Variants in TEKT3 observed in about 807,000 individuals in gnomAD.
TEKT3 encodes the protein tektin 3, also known as tektin-3.
In TEKT3, 49 loss-of-function variants were observed where a neutral mutation model predicts 49.8. That is an observed-to-expected ratio of 0.98 (90% CI 0.78 to 1.25). The LOEUF is 1.25. Ranked by LOEUF, TEKT3 falls within the 50% of genes most tolerant of loss-of-function variation. The probability of loss-of-function intolerance (pLI) is 0.00; values close to 1 mark genes in which losing one functional copy is unlikely to be tolerated. For missense variants in TEKT3, 595 were observed against 629.5 expected (o/e 0.95, Z 0.59); for synonymous variants, 225 against 237.2 (o/e 0.95, Z 0.47).
intron 8 of TEKT3, among the ~76,000 whole-genome samples, chr17:15,306,101 G>A (rs866661637): frequency 0.048 from 6,599 of 137,202 alleles, 335 homozygotes; most frequent in African/African-American, 0.12. Flanking sequence ...GTGTGTGTGT[G>A]TGTGTGTGTG....
At chr17:15,312,197 T>C in intron 7 of TEKT3, 62 bp downstream of exon 7, 2 of 1,493,934 alleles carry the variant, frequency 1.3e-6, no homozygotes, top group Non-Finnish European at 1.9e-6. Context: ...GAGAGATTTG[T>C]AGTCCCAGAG....
At chr17:15,342,370 T>C (rs1912261192), upstream of TEKT3, among the ~76,000 whole-genome samples, 1 of 152,210 alleles carries the variant, frequency 6.6e-6, no homozygotes, top group Non-Finnish European at 1.5e-5. Flanking sequence ...AGTCTAACCG[T>C]GTGAGCAGCA....
intron 7 of TEKT3, among the ~76,000 whole-genome samples, chr17:15,309,457 C>G (rs989447535): frequency 6.6e-6 from 1 of 152,074 alleles, no homozygotes; most frequent in African/African-American, 2.4e-5. Context: ...CATGGATCCC[C>G]CTTTGGTTCT....
At chr17:15,336,393 A>G (rs1253886820) in intron 2 of TEKT3, among the ~76,000 whole-genome samples, 9 of 152,210 alleles carry the variant, frequency 5.9e-5, no homozygotes, top group Admixed American at 5.9e-4. Flanking sequence ...AAGGTGAAAT[A>G]AAATCTTTTC....
Position 15,308,737 on chromosome 17 carries a change from C to A in TEKT3, c.1183G>T (p.Val395Leu). The A allele has an allele frequency of 6.2e-7, 1 of 1,613,998 alleles. No individual in the cohort carries two copies. The highest frequency in any genetic ancestry group is 8.5e-7 in the Non-Finnish European group (1 of 1,180,034). ...AIKDKTAFLK[V>L]AQTRLDERTR... is the part of the protein sequence containing the mutation. ...CGCTCATCCAGTCTGGTCTGAGCCA[C>A]CTTCAGGAAGGCAGTCTTGTCCTTG... Residue 395 changes from valine (V) to leucine (L), a missense_variant, in exon 8 of 9, where the codon GTG (valine) becomes TTG (leucine). Val to Leu is a conservative substitution (Grantham distance 32, BLOSUM62 1). Coordinates refer to ENST00000395930, the MANE Select transcript of TEKT3 (RefSeq NM_031898.3).
chr17:15,305,205 G>T (rs1055085203), intron 8 of TEKT3, among the ~76,000 whole-genome samples: 20 of 152,180 alleles, frequency 1.3e-4, no homozygotes, highest in Non-Finnish European at 1.5e-5. Context: ...ACGGAGCCTG[G>T]AGCATTCGCT....
chr17:15,328,311 T>C (rs1377504294), intron 3 of TEKT3, among the ~76,000 whole-genome samples: 1 of 152,192 alleles, frequency 6.6e-6, no homozygotes, highest in Admixed American at 6.5e-5. Context: ...TCTTGGAAAG[T>C]TGACAAAATG....
chr17:15,331,358 G>C lies in TEKT3; in HGVS notation c.228C>G (p.Ser76=), dbSNP rs150447534. Reference sequence around the variant, plus strand: ...AAACAAAGGGAAGCATGGTATTCTCGGACACCCTCTGTGATCTGGTGCAGT... The same window carrying C: ...AAACAAAGGGAAGCATGGTATTCTCCGACACCCTCTGTGATCTGGTGCAGT... ...APYCTRSQRV[S]ENTMLPFVSN... Residue 76 remains serine (S), a synonymous_variant, in exon 3 of 9, where the codon TCC becomes TCG. Coordinates refer to ENST00000395930, the MANE Select transcript of TEKT3 (RefSeq NM_031898.3). The C allele has an allele frequency of 3.7e-6, 6 of 1,614,036 alleles. No individual in the cohort carries two copies. Among genetic ancestry groups the C allele is most frequent in the Non-Finnish European group, 5.1e-6 (6 of 1,180,050 alleles).
intron 7 of TEKT3, among the ~76,000 whole-genome samples, chr17:15,309,806 T>G (rs1475854729): frequency 6.6e-6 from 1 of 152,148 alleles, no homozygotes; most frequent in Non-Finnish European, 1.5e-5. Flanking sequence ...AACTTCAGTT[T>G]CAAAGCTGAC....
chr17:15,312,921 C>A (rs1460913657), intron 6 of TEKT3, among the ~76,000 whole-genome samples: 1 of 152,192 alleles, frequency 6.6e-6, no homozygotes, highest in East Asian at 1.9e-4. Flanking sequence ...GAAAAAGTTT[C>A]TCTTGTATCC....
At chr17:15,306,923 G>A (rs532478815) in intron 8 of TEKT3, 1 of 152,314 alleles carries the variant, frequency 6.6e-6, no homozygotes, top group South Asian at 2.1e-4. Context: ...GGAGTGGAGA[G>A]CTGCTTATCC....
chr17:15,331,128 A>G lies in TEKT3; in HGVS notation c.458T>C (p.Ile153Thr). The G allele has an allele frequency of 1.2e-6, 2 of 1,614,144 alleles. No individual in the cohort carries two copies. The highest frequency in any genetic ancestry group is 1.7e-6 in the Non-Finnish European group (2 of 1,180,018). The change falls in exon 3 of 9, where the codon ATA becomes ACA. Residue 153 changes from isoleucine (I) to threonine (T), a missense_variant. Transcript: ENST00000395930. ...TQNLGERVNDIGFWKSEIIHE... is the reference protein window; with the variant it reads ...TQNLGERVNDTGFWKSEIIHE... ...AATGATTTCAGATTTCCAAAACCCT[A>G]TGTCATTGACACGTTCTCCCAGATT...
At position 15,318,289 on chromosome 17, in the gene TEKT3, G is replaced by A. The variant is rs146251559; in HGVS notation, c.734+788C>T. On this transcript the variant is annotated intron_variant, in intron 5 of 8. Coordinates refer to ENST00000395930, the MANE Select transcript of TEKT3 (RefSeq NM_031898.3). ...CAGGTGTGAGCCACCACGCCCGGCC[G>A]CCGCAGAGGCCAGATCTTTAAGGAG... is the stretch of plus-strand genomic sequence containing the variant. Among the ~76,000 whole-genome samples, 1,339 of 152,046 alleles carry A rather than the reference G, an allele frequency of 8.8e-3. 14 individuals carry two copies. Among genetic ancestry groups the A allele is most frequent in the African/African-American group, 0.023 (934 of 41,470 alleles).
At chr17:15,325,302 T>C (rs549724784) in intron 4 of TEKT3, among the ~76,000 whole-genome samples, 4 of 152,308 alleles carry the variant, frequency 2.6e-5, no homozygotes, top group South Asian at 4.1e-4. Flanking sequence ...GGGATTTTGA[T>C]AGGAATTGTG....
At chr17:15,321,397 G>A (rs536944952) in intron 4 of TEKT3, among the ~76,000 whole-genome samples, 34 of 131,778 alleles carry the variant, frequency 2.6e-4, no homozygotes, top group African/African-American at 8.8e-4. Flanking sequence ...AATACAAAAA[G>A]CCCAAAGCCA....
At position 15,308,648 on chromosome 17, in the gene TEKT3, T is replaced by A; in HGVS notation, c.1256+16A>T. On this transcript the variant is annotated intron_variant, in intron 8 of 8. Transcript: ENST00000395930. ...GGCCCTCCGAGCGAGCCCCGAGCCT[T>A]CCCCTCCCACCTTACCGTAGCTGAG... is the stretch of plus-strand genomic sequence containing the variant. The A allele has an allele frequency of 6.3e-7, 1 of 1,595,880 alleles. No homozygotes were observed. Among genetic ancestry groups the A allele is most frequent in the Non-Finnish European group, 8.6e-7 (1 of 1,166,892 alleles).
chr17:15,341,975 G>T (rs117662500), upstream of TEKT3, among the ~76,000 whole-genome samples: 72 of 152,278 alleles, frequency 4.7e-4, no homozygotes, highest in East Asian at 0.014. Flanking sequence ...CCTAACACCT[G>T]CCTAGGTGTT....
In TEKT3 at chr17:15,331,541, A is replaced by G. The variant is rs1183077095; in HGVS notation, c.45T>C (p.Pro15=). 6.2e-7 allele frequency: 1 copy of G among 1,613,208 alleles called. No individual in the cohort carries two copies. Among genetic ancestry groups the G allele is most frequent in the Admixed American group, 1.7e-5 (1 of 59,946 alleles). The change falls in exon 3 of 9, where the codon CCT becomes CCC. Residue 15 remains proline, a synonymous_variant. Transcript: ENST00000395930. The stretch of plus-strand genomic sequence containing the variant: ...GTAGAAAGTTGGTTGGTGTTGGTCT[A>G]GGGTGGGCGTAAGTTGTCGTTAAAG... ...GCTLTTTYAH[P]RPTPTNFLPA...
In TEKT3 at chr17:15,331,260, T is replaced by C; in HGVS notation, c.326A>G (p.Glu109Gly). Reference protein sequence around the residue: ...WYRSNLTNYQESNTSRHNSEK... With the variant: ...WYRSNLTNYQGSNTSRHNSEK... ...CGAATTATGTCGGGAAGTGTTGGACTCTTGATAGTTGGTTAAATTGGACCT... is the reference window on the plus strand; with the variant it reads ...CGAATTATGTCGGGAAGTGTTGGACCCTTGATAGTTGGTTAAATTGGACCT... The change falls in exon 3 of 9, where the codon GAG becomes GGG. Residue 109 changes from glutamate to glycine, a missense_variant. By Grantham distance (98) the Glu-to-Gly change is moderately conservative. Coordinates refer to ENST00000395930, the MANE Select transcript of TEKT3 (RefSeq NM_031898.3). 1 of 1,614,226 alleles carries C rather than the reference T, an allele frequency of 6.2e-7. No individual in the cohort carries two copies.
Sources: gnomAD v4.1 joint callset for allele counts (sites outside exome capture counted in the v4.1 genomes callset) on GRCh38, gnomAD v4.1.1 for gene constraint, MANE v1.5 for transcripts, NCBI Gene and HGNC (gene_info 2026-07-23, HGNC 2026-07-21) for gene names.